The following MRTFA variants were observed in gnomAD, a reference collection of about 807,000 sequenced individuals.
The protein encoded by MRTFA is myocardin related transcription factor A.
A neutral mutation model predicts 83.5 loss-of-function variants in MRTFA; 20 were observed. The observed-to-expected ratio is 0.24, with a 90% CI of 0.17 to 0.35. The LOEUF (loss-of-function observed/expected upper bound fraction) is 0.35, where lower values mean the gene tolerates loss of function less well. MRTFA is among the 10% of genes least tolerant of loss of function. The pLI is 1.00. For synonymous variants in MRTFA, 659 were observed against 541.2 expected, an observed-to-expected ratio of 1.22 and a Z score of -3.02; for missense variants, 1,200 against 1,224.7, an observed-to-expected ratio of 0.98 and a Z score of 0.30.
chr22:40,433,094 T>A (rs2053102518), intron 5 of MRTFA: 1 of 152,594 alleles, frequency 6.6e-6, no homozygotes. Flanking sequence ...TACCTACACA[T>A]CTCTTCCACC....
At chr22:40,429,227 A>C in intron 7 of MRTFA, 1 of 591,114 alleles carries the variant, frequency 1.7e-6, no homozygotes, top group Non-Finnish European at 3.0e-6. Context: ...CTCCAAGAAG[A>C]GACTTCACTA....
At chr22:40,600,864 G>A (rs902624475) in intron 1 of MRTFA, among the ~76,000 whole-genome samples, 3 of 152,160 alleles carry the variant, frequency 2.0e-5, no homozygotes, top group African/African-American at 4.8e-5. Context: ...TGTAGTCCCA[G>A]CTACTCAGAT....
At chr22:40,506,365 T>A (rs2054581013) in intron 3 of MRTFA, among the ~76,000 whole-genome samples, 1 of 152,208 alleles carries the variant, frequency 6.6e-6, no homozygotes, top group Non-Finnish European at 1.5e-5. Context: ...ACAAAAATGA[T>A]CTCTGCAGTA....
At chr22:40,556,546 G>A (rs1006520880) in intron 2 of MRTFA, among the ~76,000 whole-genome samples, 1 of 152,158 alleles carries the variant, frequency 6.6e-6, no homozygotes, top group South Asian at 2.1e-4. Context: ...TTTGAACTCA[G>A]TATTAGGAAC....
intron 3 of MRTFA, among the ~76,000 whole-genome samples, chr22:40,516,860 T>C (rs1026439854): frequency 6.6e-6 from 1 of 152,198 alleles, no homozygotes; most frequent in African/African-American, 2.4e-5. Flanking sequence ...GTCAAATTTA[T>C]TTTTTAAAAA....
At chr22:40,472,741 A>T (rs987204319) in intron 3 of MRTFA, among the ~76,000 whole-genome samples, 1 of 152,084 alleles carries the variant, frequency 6.6e-6, no homozygotes, top group South Asian at 2.1e-4. Context: ...TTATCAACAC[A>T]TTTCCCAGCT....
intron 7 of MRTFA, among the ~76,000 whole-genome samples, chr22:40,425,405 T>C (rs1445942048): frequency 6.6e-6 from 1 of 152,188 alleles, no homozygotes; most frequent in Admixed American, 6.5e-5. Flanking sequence ...TGGGGAAGTA[T>C]GCTGTGTGGG....
chr22:40,555,586 T>TTTTA (rs2055509591), intron 2 of MRTFA, among the ~76,000 whole-genome samples: 1 of 148,934 alleles, frequency 6.7e-6, no homozygotes, highest in Non-Finnish European at 1.5e-5. Context: ...AAAAAAAATT[T>TTTTA]TATATATATA....
At chr22:40,420,728 T>C in intron 10 of MRTFA, 119 bp downstream of exon 10, 3 of 1,548,000 alleles carry the variant, frequency 1.9e-6, no homozygotes, top group African/African-American at 2.7e-5. Context: ...GACCACTCTG[T>C]AGCATCCAGA....
intron 4 of MRTFA, among the ~76,000 whole-genome samples, chr22:40,456,802 T>C (rs2053593754): frequency 6.6e-6 from 1 of 152,238 alleles, no homozygotes; most frequent in South Asian, 2.1e-4. Flanking sequence ...TTGAAGTCTC[T>C]GTATCCTTTG....
rs749452481 is a variant in MRTFA at position 40,411,911 on chromosome 22, CCAAT to C, written c.2579-8_2579-5del. On this transcript the variant is annotated splice_polypyrimidine_tract_variant and splice_region_variant and intron_variant, in intron 14 of 14. Transcript: ENST00000355630. ...TCCTTGAAATCTGCTGAAATTTCTG[CCAAT>C]CAATCAAGAGAGTAAATGGATATCA... 16 of 1,481,250 alleles carry C rather than the reference CCAAT, an allele frequency of 1.1e-5. No individual in the cohort carries two copies. Among genetic ancestry groups the C allele is most frequent in the African/African-American group, 7.0e-5 (5 of 71,004 alleles). The allele number at this position is 1,481,250 out of a possible 1,614,324, so 91.8% of individuals were successfully genotyped here. A position where few individuals can be genotyped will look rare whatever the true frequency, so the allele number is the denominator to read the frequency against.
chr22:40,485,311 A>G (rs1374630730), intron 3 of MRTFA, among the ~76,000 whole-genome samples: 4 of 152,154 alleles, frequency 2.6e-5, no homozygotes, highest in African/African-American at 7.2e-5. Flanking sequence ...AATGAATTTG[A>G]TTTGTTTTAC....
intron 4 of MRTFA, among the ~76,000 whole-genome samples, chr22:40,449,532 G>C (rs1432514927): frequency 6.6e-6 from 1 of 152,160 alleles, no homozygotes; most frequent in Non-Finnish European, 1.5e-5. Flanking sequence ...TAGGCCTTAA[G>C]AATAATCTTT....
intron 3 of MRTFA, among the ~76,000 whole-genome samples, chr22:40,538,610 T>C (rs1020978706): frequency 4.6e-5 from 7 of 152,174 alleles, no homozygotes; most frequent in Non-Finnish European, 1.0e-4. Context: ...CAATGTAATC[T>C]TTCCCAATTG....
intron 3 of MRTFA, among the ~76,000 whole-genome samples, chr22:40,500,808 C>T (rs1176775563): frequency 1.3e-5 from 2 of 151,096 alleles, no homozygotes; most frequent in Non-Finnish European, 2.9e-5. Context: ...TACACAGACA[C>T]GGCAACCATC....
chr22:40,559,413 A>G (rs1313993373), intron 2 of MRTFA, among the ~76,000 whole-genome samples: 3 of 152,068 alleles, frequency 2.0e-5, no homozygotes, highest in Non-Finnish European at 2.9e-5. Context: ...TGTTTCTTAG[A>G]ACACATACTT....
intron 3 of MRTFA, among the ~76,000 whole-genome samples, chr22:40,495,394 G>GT (rs2054334824): frequency 6.6e-6 from 1 of 151,232 alleles, no homozygotes; most frequent in Non-Finnish European, 1.5e-5. Flanking sequence ...GGAGGTTGCA[G>GT]TGAGCCGAGA....
At chr22:40,515,846 G>A (rs1331554617) in intron 3 of MRTFA, among the ~76,000 whole-genome samples, 4 of 152,086 alleles carry the variant, frequency 2.6e-5, no homozygotes, top group Admixed American at 2.0e-4. Context: ...TGTGCAGATG[G>A]CGACCACATT....
chr22:40,463,100 G>A, intron 4 of MRTFA, 121 bp downstream of exon 4: 1 of 828,268 alleles, frequency 1.2e-6, no homozygotes, highest in South Asian at 1.5e-5. Context: ...TGAGAAAGAA[G>A]AGAGTGGAAA....
Sources: allele counts gnomAD v4.1 joint callset (sites outside exome capture counted in the v4.1 genomes callset), GRCh38; gene constraint gnomAD v4.1.1; transcripts MANE v1.5; gene names NCBI Gene and HGNC (gene_info 2026-07-23, HGNC 2026-07-21).